SEC16A: variants seen among roughly 807,000 people sequenced by gnomAD.
The protein encoded by SEC16A is SEC16 homolog A, endoplasmic reticulum export factor.
A neutral mutation model predicts 221.9 loss-of-function variants in SEC16A; 110 were observed. That is an observed-to-expected ratio of 0.50 (90% confidence interval 0.42 to 0.58). The LOEUF (loss-of-function observed/expected upper bound fraction) is 0.58, where lower values mean the gene tolerates loss of function less well. SEC16A is among the 20% of genes least tolerant of loss of function. The probability of loss-of-function intolerance (pLI) is 0.00; values close to 1 mark genes in which losing one functional copy is unlikely to be tolerated. For missense variants in SEC16A, 3,165 were observed against 3,097.8 expected (o/e 1.02, Z -0.52); for synonymous variants, 1,393 against 1,257.7 (o/e 1.11, Z -2.28).
At chr9:136,451,184 G>A (rs1837743649) in intron 23 of SEC16A, 72 bp downstream of exon 23, 11 of 1,488,856 alleles carry the variant, frequency 7.4e-6, no homozygotes, top group African/African-American at 2.8e-5. Context: ...TTAAGAGGAT[G>A]GCGCTCTGGG....
chr9:136,464,319 G>A, intron 9 of SEC16A, 101 bp downstream of exon 9: 1 of 1,143,944 alleles, frequency 8.7e-7, no homozygotes, highest in Non-Finnish European at 1.2e-6. Flanking sequence ...AAGGACGTAT[G>A]TCCAGAGACA....
Position 136,474,067 on chromosome 9 carries a change from T to C in SEC16A, c.3549A>G (p.Ala1183=). 2 of 1,604,850 alleles carry C rather than the reference T, an allele frequency of 1.2e-6. No individual in the cohort carries two copies. Among genetic ancestry groups the C allele is most frequent in the East Asian group, 2.2e-5 (1 of 44,722 alleles). The change falls in exon 3 of 32, where the codon GCA becomes GCG. Residue 1183 remains alanine (A), a synonymous_variant. Transcript: ENST00000684901. ...CTCTTACCTGGTAATAGAGGGAGGC[T>C]GCGCCAGGCTCCGGTGGGTACGGCA... The part of the protein sequence containing the change: ...YSLPYPPEPG[A]ASLYYQDVYS...
intron 27 of SEC16A, 30 bp from the exon 28 acceptor site, chr9:136,446,979 T>G (rs775519388): frequency 6.2e-7 from 1 of 1,613,324 alleles, no homozygotes; most frequent in Non-Finnish European, 8.5e-7. Flanking sequence ...GAGGCCATCA[T>G]TCCGTCCCGA....
At chr9:136,471,218 G>C (rs1293760428) in intron 4 of SEC16A, among the ~76,000 whole-genome samples, 1 of 151,948 alleles carries the variant, frequency 6.6e-6, no homozygotes, top group Non-Finnish European at 1.5e-5. Context: ...TGTAATCCTA[G>C]CACTTTGGGA....
In SEC16A at chr9:136,476,623, A is replaced by T. The variant is rs368389543; in HGVS notation, c.993T>A (p.Ser331=). ...PGVKNEHRPA[S]ALVNPLARGD... ...CCCGGGCGAGGGGGTTCACAAGAGCAGAGGCGGGCCGGTGCTCATTCTTCA... is the reference window on the plus strand; with the variant it reads ...CCCGGGCGAGGGGGTTCACAAGAGCTGAGGCGGGCCGGTGCTCATTCTTCA... Residue 331 remains serine, a synonymous_variant, in exon 3 of 32, where the codon TCT becomes TCA. Transcript: ENST00000684901. The T allele has an allele frequency of 1.2e-5, 19 of 1,588,502 alleles. No homozygotes were observed. Among genetic ancestry groups the T allele is most frequent in the Non-Finnish European group, 1.6e-5 (19 of 1,165,176 alleles).
In SEC16A at chr9:136,477,072, G is replaced by A; in HGVS notation, c.544C>T (p.Leu182Phe). The A allele has an allele frequency of 6.2e-7, 1 of 1,613,842 alleles. No individual in the cohort carries two copies. The highest frequency in any genetic ancestry group is 8.5e-7 in the Non-Finnish European group (1 of 1,179,882). ...TTTTGCCTGCTCAGGGGTCGGTCGA[G>A]CCCAGGCATGTTCCCATGAGGGTGG... ...GGHPHGNMPG[L>F]DRPLSRQNPH... Residue 182 changes from leucine (L) to phenylalanine (F), a missense_variant, in exon 3 of 32, where the codon CTC becomes TTC. Transcript: ENST00000684901.
chr9:136,448,044 C>G, intron 24 of SEC16A, 40 bp downstream of exon 24: 1 of 1,580,010 alleles, frequency 6.3e-7, no homozygotes, highest in Non-Finnish European at 8.7e-7. Flanking sequence ...AAAATCATTA[C>G]AATTCTTCGG....
intron 21 of SEC16A, 49 bp downstream of exon 21, chr9:136,454,060 C>T (rs1210926344): frequency 6.8e-7 from 1 of 1,477,892 alleles, no homozygotes; most frequent in Non-Finnish European, 9.2e-7. Flanking sequence ...CCACAAACAC[C>T]ACACCCCATG....
At chr9:136,446,329 G>A (rs190571105) in intron 28 of SEC16A, among the ~76,000 whole-genome samples, 1,674 of 151,354 alleles carry the variant, frequency 0.011, 13 homozygotes, top group Middle Eastern at 0.024. Context: ...GGCTGGTCTC[G>A]AACTCCTGAC....
At position 136,441,026 on chromosome 9, in the gene SEC16A, CGGT is replaced by C. The variant is rs540874363; in HGVS notation, c.*726_*728del. 1.3e-3 allele frequency: 199 copies of C among 152,450 alleles called. 1 individual carries two copies. Among genetic ancestry groups the C allele is most frequent in the Middle Eastern group, 3.4e-3 (1 of 294 alleles). 9.4% of individuals were successfully genotyped at this position (152,450 alleles called of 1,614,324 possible). A position where few individuals can be genotyped will look rare whatever the true frequency, so the allele number is the denominator to read the frequency against. ...GCTCCTTCCCAGTGACTGGGCCACA[CGGT>C]GGGCAGTCCCCAGCGCTTTGGGTAC... On this transcript the variant is annotated 3_prime_UTR_variant, in exon 32 of 32. Coordinates refer to ENST00000684901, the MANE Select transcript of SEC16A (RefSeq NM_014866.2).
At chr9:136,454,613 G>A (rs1427490625) in intron 20 of SEC16A, among the ~76,000 whole-genome samples, 5 of 152,152 alleles carry the variant, frequency 3.3e-5, no homozygotes, top group Non-Finnish European at 7.3e-5. Context: ...CATGGCGGCC[G>A]CCTGGCACAG....
In SEC16A at chr9:136,457,600, C is replaced by G. The variant is rs773399040; in HGVS notation, c.5410-16G>C. The G allele has an allele frequency of 3.1e-6, 5 of 1,603,012 alleles. No individual in the cohort carries two copies. In the Admixed American group the frequency reaches 5.1e-5, roughly 16 times the overall value. On this transcript the variant is annotated splice_polypyrimidine_tract_variant and intron_variant, in intron 17 of 31. Transcript: ENST00000684901. ...ACTTAAACACCTGAAACGACAGAAG[C>G]CTTGCTGCCCTGCGGCTCCCCCGCG...
At chr9:136,448,053 G>A (rs577221229) in intron 24 of SEC16A, 31 bp downstream of exon 24, 29 of 1,587,468 alleles carry the variant, frequency 1.8e-5, no homozygotes, top group Non-Finnish European at 2.1e-5. Flanking sequence ...ACAATTCTTC[G>A]GACGTCCCGT....
chr9:136,450,832 C>T (rs1248733552), intron 23 of SEC16A, among the ~76,000 whole-genome samples: 1 of 152,184 alleles, frequency 6.6e-6, no homozygotes, highest in Non-Finnish European at 1.5e-5. Context: ...GAAAAACAAG[C>T]GCATTCGCCA....
At chr9:136,484,513 G>T, upstream of SEC16A, 1 of 1,260,196 alleles carries the variant, frequency 7.9e-7, no homozygotes. Context: ...GCCTTCCTCT[G>T]CTGCTCCTTC....
At position 136,475,924 on chromosome 9, in the gene SEC16A, C is replaced by T. The variant is rs1841565194; in HGVS notation, c.1692G>A (p.Lys564=). The stretch of plus-strand genomic sequence containing the variant: ...CTCCTACGGGAGAAGAATCGATTTG[C>T]TTAAAAAAACTACCTGAAGCTTCAT... ...PEDEASGSFF[K]QIDSSPVGGE... The change falls in exon 3 of 32, where the codon AAG becomes AAA. Residue 564 remains lysine (K), a synonymous_variant. Transcript: ENST00000684901. The surrounding 1 kb of genome is among the most constrained non-coding windows in gnomAD (Gnocchi z 5.0). 3 of 1,613,334 alleles carry T rather than the reference C, an allele frequency of 1.9e-6. No individual in the cohort carries two copies. Among genetic ancestry groups the T allele is most frequent in the Non-Finnish European group, 2.5e-6 (3 of 1,179,776 alleles).
chr9:136,443,245 G>C (rs1836456715), intron 31 of SEC16A, among the ~76,000 whole-genome samples: 1 of 152,092 alleles, frequency 6.6e-6, no homozygotes, highest in African/African-American at 2.4e-5. Flanking sequence ...GCTCCACACG[G>C]GAGCACGGCG....
intron 28 of SEC16A, 72 bp downstream of exon 28, chr9:136,446,780 CAAG>C: frequency 6.9e-7 from 1 of 1,457,926 alleles, no homozygotes; most frequent in Non-Finnish European, 9.3e-7. Context: ...TTGCAGAAGG[CAAG>C]GCCCTGTCTG....
chr9:136,467,223 C>A, intron 5 of SEC16A, 140 bp from the exon 6 acceptor site: 1 of 942,892 alleles, frequency 1.1e-6, no homozygotes, highest in East Asian at 2.7e-5. Context: ...TGGAAACCAG[C>A]ACGACACCAG....
Sources: allele counts gnomAD v4.1 joint callset (sites outside exome capture counted in the v4.1 genomes callset), GRCh38; gene constraint gnomAD v4.1.1; non-coding constraint Gnocchi (gnomAD v3.1); transcripts MANE v1.5; gene names NCBI Gene and HGNC (gene_info 2026-07-23, HGNC 2026-07-21).